Variants in PCDH11X observed in about 807,000 individuals in gnomAD.
PCDH11X encodes the protein protocadherin-11 X-linked.
A neutral mutation model predicts 53.3 loss-of-function variants in PCDH11X; 18 were observed. That is an observed-to-expected ratio of 0.34 (90% CI 0.23 to 0.50). The LOEUF (loss-of-function observed/expected upper bound fraction) is 0.50, where lower values mean the gene tolerates loss of function less well. Among genes scored for constraint, PCDH11X ranks in the 20% least tolerant of loss-of-function variants. PCDH11X has a pLI of 0.98. For missense variants in PCDH11X, 570 were observed against 1,032.4 expected (o/e 0.55, Z 6.14); for synonymous variants, 279 against 393.3 (o/e 0.71, Z 3.44).
chrX:92,176,736 T>G (rs1370577800), intron 6 of PCDH11X, among the ~76,000 whole-genome samples: 3 of 110,982 alleles, frequency 2.7e-5, no homozygotes. Flanking sequence ...AGAGATAATT[T>G]ATTTTATGTT....
chrX:92,566,836 A>G (rs184029877), intron 10 of PCDH11X, among the ~76,000 whole-genome samples: 3,297 of 111,048 alleles, frequency 0.03, 123 homozygotes, highest in African/African-American at 0.1. Context: ...TTCCTGAAAT[A>G]CTCAAAATGT....
At chrX:91,996,369 G>A (rs779898564) in intron 6 of PCDH11X, among the ~76,000 whole-genome samples, 4 of 82,554 alleles carry the variant, frequency 4.8e-5, no homozygotes, top group South Asian at 1.5e-3. Context: ...GACTGGTCTC[G>A]AACTCCTGAC....
intron 9 of PCDH11X, among the ~76,000 whole-genome samples, chrX:92,435,471 C>G (rs986360432): frequency 9.1e-5 from 10 of 110,278 alleles, no homozygotes; most frequent in Non-Finnish European, 1.9e-4. Flanking sequence ...AAGATCATCC[C>G]CAAGAAACAT....
At chrX:92,377,941 A>G (rs1376046343) in intron 8 of PCDH11X, among the ~76,000 whole-genome samples, 2 of 110,226 alleles carry the variant, frequency 1.8e-5, no homozygotes, top group East Asian at 5.7e-4. Context: ...AAGTGAATAT[A>G]TTCTTGTTTC....
chrX:92,223,953 A>G (rs2066925150), intron 7 of PCDH11X, among the ~76,000 whole-genome samples: 1 of 111,300 alleles, frequency 9.0e-6, no homozygotes, highest in African/African-American at 3.3e-5. Context: ...AAGTTTGGTG[A>G]TCTGCCTCAG....
At chrX:92,187,615 T>G (rs1218756293) in intron 6 of PCDH11X, among the ~76,000 whole-genome samples, 1 of 111,264 alleles carries the variant, frequency 9.0e-6, no homozygotes, top group Non-Finnish European at 1.9e-5. Context: ...TATAAGAAAA[T>G]TATTACGTTC....
chrX:92,561,906 G>A (rs889997934), intron 10 of PCDH11X, among the ~76,000 whole-genome samples: 3 of 107,880 alleles, frequency 2.8e-5, no homozygotes, highest in African/African-American at 1.0e-4. Context: ...CCTAAAAGCA[G>A]CAAGAGAAAA....
At chrX:91,906,580 G>A (rs1941161414) in intron 6 of PCDH11X, among the ~76,000 whole-genome samples, 1 of 111,451 alleles carries the variant, frequency 9.0e-6, no homozygotes, top group Non-Finnish European at 1.9e-5. Context: ...ATTTATATGA[G>A]CAAACAAGAA....
chrX:92,422,911 C>T (rs1025601466), intron 9 of PCDH11X, among the ~76,000 whole-genome samples: 1 of 108,973 alleles, frequency 9.2e-6, no homozygotes, highest in Non-Finnish European at 1.9e-5. Flanking sequence ...TGCAGTGGCA[C>T]GATATCGGCT....
rs201981332 is a variant in PCDH11X, at chrX:92,244,463, T to A, written c.3115-18651T>A. 3.6e-5 allele frequency among the ~76,000 whole-genome samples: 4 copies of A among 110,440 alleles called. No homozygotes were observed. In the East Asian group the frequency reaches 1.1e-3, roughly 31 times the overall value. ...TAATTGATCTTCCTTAAGTAATTTT[T>A]AGTAGCTGACTTGGTCAGTGGATTG... On this transcript the variant is annotated intron_variant, in intron 7 of 10. Transcript: ENST00000682573.
intron 10 of PCDH11X, among the ~76,000 whole-genome samples, chrX:92,479,173 G>A (rs1382582991): frequency 9.1e-6 from 1 of 110,241 alleles, no homozygotes; most frequent in Non-Finnish European, 1.9e-5. Flanking sequence ...TCTGAAATTA[G>A]GATTGAAATC....
At chrX:91,826,203 A>T (rs1936920357) in intron 4 of PCDH11X, among the ~76,000 whole-genome samples, 1 of 111,311 alleles carries the variant, frequency 9.0e-6, no homozygotes, top group African/African-American at 3.3e-5. Flanking sequence ...TAGAGAAAAC[A>T]TTTTCTTATG....
chrX:92,440,469 G>A (rs1569486952), intron 9 of PCDH11X, among the ~76,000 whole-genome samples: 2 of 108,769 alleles, frequency 1.8e-5, no homozygotes, highest in African/African-American at 6.7e-5. Context: ...ATTGTGGGAG[G>A]ACCTGGTGGG....
At chrX:92,273,098 T>C (rs755542377) in intron 8 of PCDH11X, among the ~76,000 whole-genome samples, 1 of 111,939 alleles carries the variant, frequency 8.9e-6, no homozygotes, top group African/African-American at 3.2e-5. Context: ...TGCGCATCCA[T>C]GTGAAGAGAC....
intron 10 of PCDH11X, among the ~76,000 whole-genome samples, chrX:92,512,496 T>C (rs1004190391): frequency 1.8e-5 from 2 of 111,747 alleles, no homozygotes; most frequent in African/African-American, 6.5e-5. Flanking sequence ...TTATGAAATA[T>C]GAAATTGAGA....
intron 8 of PCDH11X, among the ~76,000 whole-genome samples, chrX:92,345,837 G>A (rs1335352294): frequency 9.2e-6 from 1 of 108,449 alleles, no homozygotes; most frequent in African/African-American, 3.3e-5. Flanking sequence ...GGTATTGAAA[G>A]CTAATTAGAC....
intron 6 of PCDH11X, among the ~76,000 whole-genome samples, chrX:92,073,384 A>G: frequency 8.9e-6 from 1 of 112,455 alleles, no homozygotes; most frequent in Middle Eastern, 4.6e-3. Flanking sequence ...TCTCTTTACA[A>G]CTGTGGCAAT....
chrX:92,479,650 G>T (rs2073460520), intron 10 of PCDH11X, among the ~76,000 whole-genome samples: 1 of 109,545 alleles, frequency 9.1e-6, no homozygotes, highest in South Asian at 4.0e-4. Context: ...ACTCTGGGTT[G>T]AAATTTCTTT....
chrX:91,986,455 G>A (rs2062229845), intron 6 of PCDH11X, among the ~76,000 whole-genome samples: 1 of 109,130 alleles, frequency 9.2e-6, no homozygotes, highest in African/African-American at 3.3e-5. Flanking sequence ...TATTGCTGCT[G>A]TAACACGGTA....
Sources: allele counts gnomAD v4.1 joint callset (sites outside exome capture counted in the v4.1 genomes callset), GRCh38; gene constraint gnomAD v4.1.1; transcripts MANE v1.5; gene names NCBI Gene and HGNC (gene_info 2026-07-23, HGNC 2026-07-21).